Variants in CADM2 observed in about 807,000 individuals in gnomAD.
The protein encoded by CADM2 is immunoglobulin superfamily member 4D.
In CADM2, 12 loss-of-function variants were observed where a neutral mutation model predicts 49.8. The observed-to-expected ratio is 0.24, with a 90% confidence interval of 0.15 to 0.39. CADM2 has a LOEUF of 0.39. Among genes scored for constraint, CADM2 ranks in the 10% least tolerant of loss-of-function variants. CADM2 has a pLI of 1.00. For missense variants in CADM2, 378 were observed against 492.3 expected (o/e 0.77, Z 2.20); for synonymous variants, 214 against 175.4 (o/e 1.22, Z -1.74).
At chr3:85,657,751 T>TATATACACAGATATATATATATATAC (rs1306954340) in intron 1 of CADM2, among the ~76,000 whole-genome samples, 1 of 105,666 alleles carries the variant, frequency 9.5e-6, no homozygotes, top group East Asian at 3.1e-4. Context: ...CAGATATATA[T>TATATACACAGATATATATATATATAC]ATATACACAG....
At chr3:85,836,864 G>A (rs2074431496) in intron 3 of CADM2, among the ~76,000 whole-genome samples, 1 of 151,564 alleles carries the variant, frequency 6.6e-6, no homozygotes. Context: ...TGAGTGCCTG[G>A]CAAGCTAAAG....
intron 8 of CADM2, among the ~76,000 whole-genome samples, chr3:86,036,232 C>A (rs1169691208): frequency 6.6e-6 from 1 of 152,118 alleles, no homozygotes; most frequent in South Asian, 2.1e-4. Context: ...TTCATTTTAA[C>A]CTCCTTGTAA....
At chr3:86,052,020 C>T (rs563799104) in intron 8 of CADM2, among the ~76,000 whole-genome samples, 164 of 151,950 alleles carry the variant, frequency 1.1e-3, no homozygotes, top group African/African-American at 3.9e-3. Context: ...TAAGACAGTT[C>T]GAACCCTTGG....
At chr3:85,614,121 A>T (rs1251022071) in intron 1 of CADM2, among the ~76,000 whole-genome samples, 1 of 151,678 alleles carries the variant, frequency 6.6e-6, no homozygotes, top group African/African-American at 2.4e-5. Flanking sequence ...CAATAAAAAG[A>T]TTAGTAAATC....
intron 1 of CADM2, among the ~76,000 whole-genome samples, chr3:85,048,662 G>A (rs373837640): frequency 2.6e-5 from 4 of 152,124 alleles, no homozygotes; most frequent in East Asian, 1.9e-4. Flanking sequence ...TTGAGAGAAC[G>A]TGGCGATCAT....
rs558845885 is a variant in CADM2, at chr3:85,744,108, A to G, written c.88+17560A>G. On this transcript the variant is annotated intron_variant, in intron 2 of 9. Coordinates refer to ENST00000383699, the MANE Select transcript of CADM2 (RefSeq NM_001167675.2). ...TGATTAGTACTATGAAGAAAACACA[A>G]GGAAGGGATCTGAGACATGCCTAGT... 3.3e-5 allele frequency among the ~76,000 whole-genome samples: 5 copies of G among 152,254 alleles called. No individual in the cohort carries two copies. In the South Asian group the frequency reaches 1.0e-3, roughly 32 times the overall value.
intron 7 of CADM2, among the ~76,000 whole-genome samples, chr3:85,942,922 A>C (rs1401176263): frequency 6.6e-6 from 1 of 152,088 alleles, no homozygotes; most frequent in African/African-American, 2.4e-5. Flanking sequence ...CGACTTCCAC[A>C]ATGGTTGAAC....
intron 3 of CADM2, among the ~76,000 whole-genome samples, chr3:85,813,507 T>C (rs2073016736): frequency 6.6e-6 from 1 of 151,644 alleles, no homozygotes; most frequent in South Asian, 2.1e-4. Flanking sequence ...TGCGTGATTA[T>C]AGTTTCTTTT....
At chr3:85,471,225 A>G (rs987025936) in intron 1 of CADM2, among the ~76,000 whole-genome samples, 1 of 152,056 alleles carries the variant, frequency 6.6e-6, no homozygotes, top group Admixed American at 6.6e-5. Context: ...CCTCTACCAT[A>G]TTCCAGGATA....
intron 1 of CADM2, among the ~76,000 whole-genome samples, chr3:85,647,752 AC>A (rs1559568030): frequency 2.0e-5 from 3 of 151,808 alleles, no homozygotes; most frequent in African/African-American, 7.2e-5. Context: ...TATTTTTGTG[AC>A]CCCTACCCCT....
chr3:85,208,976 T>C (rs1295765705), intron 1 of CADM2, among the ~76,000 whole-genome samples: 1 of 152,186 alleles, frequency 6.6e-6, no homozygotes, highest in African/African-American at 2.4e-5. Context: ...AATTTTAAAA[T>C]AATCTTTTGG....
chr3:85,839,311 A>C (rs1389949299), intron 3 of CADM2, among the ~76,000 whole-genome samples: 2 of 151,820 alleles, frequency 1.3e-5, no homozygotes, highest in Non-Finnish European at 2.9e-5. Flanking sequence ...TCTGTTAAAG[A>C]TGACTATTCT....
At chr3:85,509,469 G>C (rs1411934315) in intron 1 of CADM2, among the ~76,000 whole-genome samples, 1 of 152,084 alleles carries the variant, frequency 6.6e-6, no homozygotes, top group Admixed American at 6.6e-5. Context: ...GCTTTCTCCA[G>C]TGACTGCATT....
intron 1 of CADM2, among the ~76,000 whole-genome samples, chr3:85,276,535 A>G (rs1328442810): frequency 6.6e-6 from 1 of 151,352 alleles, no homozygotes; most frequent in East Asian, 1.9e-4. Context: ...TTTCATTAGT[A>G]TTGATTTTCC....
At chr3:85,539,690 G>T (rs191905673) in intron 1 of CADM2, among the ~76,000 whole-genome samples, 1 of 152,008 alleles carries the variant, frequency 6.6e-6, no homozygotes, top group East Asian at 1.9e-4. Context: ...ATTTTTTAAT[G>T]GGGTAGAAAT....
At chr3:85,836,265 A>G (rs200426320) in intron 3 of CADM2, among the ~76,000 whole-genome samples, 4 of 151,576 alleles carry the variant, frequency 2.6e-5, no homozygotes, top group African/African-American at 9.7e-5. Context: ...GAGTTCTGGA[A>G]AAAAGCCCAG....
At chr3:85,004,042 G>A (rs2033604479) in intron 1 of CADM2, among the ~76,000 whole-genome samples, 1 of 152,082 alleles carries the variant, frequency 6.6e-6, no homozygotes, top group Non-Finnish European at 1.5e-5. Context: ...CTTTTTAAGA[G>A]GCTGTTGAGC....
chr3:85,646,313 A>G (rs1445037292), intron 1 of CADM2, among the ~76,000 whole-genome samples: 2 of 152,006 alleles, frequency 1.3e-5, no homozygotes, highest in Non-Finnish European at 2.9e-5. Context: ...TTTATGTTCT[A>G]TGATTTATTC....
intron 8 of CADM2, among the ~76,000 whole-genome samples, chr3:86,054,881 G>T (rs1737735060): frequency 6.6e-6 from 1 of 151,958 alleles, no homozygotes; most frequent in Non-Finnish European, 1.5e-5. Context: ...ATGTCATATT[G>T]AAGTCATTTA....
Sources: allele counts gnomAD v4.1 joint callset (sites outside exome capture counted in the v4.1 genomes callset), GRCh38; gene constraint gnomAD v4.1.1; transcripts MANE v1.5; gene names NCBI Gene and HGNC (gene_info 2026-07-23, HGNC 2026-07-21).